Variants in CFAP157 observed in about 807,000 individuals in gnomAD.
CFAP157 encodes the protein cilia- and flagella-associated protein 157.
A neutral mutation model predicts 57.8 loss-of-function variants in CFAP157; 43 were observed. The observed-to-expected ratio is 0.74, with a 90% CI of 0.58 to 0.96. The LOEUF is 0.96. Among genes scored for constraint, CFAP157 ranks in the 40% least tolerant of loss-of-function variants. The pLI is 0.00. For synonymous variants in CFAP157, 267 were observed against 269.0 expected (o/e 0.99, Z 0.07); for missense variants, 606 against 655.3 (o/e 0.92, Z 0.82).
In CFAP157 at chr9:127,714,350, C is replaced by G. The variant is rs1842857076; in HGVS notation, c.*445C>G. 6.2e-7 allele frequency: 1 copy of G among 1,614,052 alleles called. No homozygotes were observed. Among genetic ancestry groups the G allele is most frequent in the Non-Finnish European group, 8.5e-7 (1 of 1,180,026 alleles). ...CTGGGGGACCCCTGGCCCACCCGAC[C>G]CAGTTGCACAACAAAAGGGTAGACT... On this transcript the variant is annotated 3_prime_UTR_variant, in exon 9 of 9. Coordinates refer to ENST00000373295, the MANE Select transcript of CFAP157 (RefSeq NM_001012502.3).
Position 127,715,589 on chromosome 9 carries a change from C to T in CFAP157, c.*1684C>T, listed in dbSNP as rs759021425. 6.2e-6 allele frequency: 10 copies of T among 1,613,434 alleles called. No homozygotes were observed. The highest frequency in any genetic ancestry group is 1.6e-4 in the Middle Eastern group (1 of 6,062). On this transcript the variant is annotated 3_prime_UTR_variant, in exon 9 of 9. Coordinates refer to ENST00000373295, the MANE Select transcript of CFAP157 (RefSeq NM_001012502.3). The surrounding 1 kb of genome is among the most constrained non-coding windows in gnomAD (Gnocchi z 5.8). ...GGCGAGGCTCCAAAACACATCGGCT[C>T]ATGGCTCTACTCAGCCGCTGTCCGG...
Position 127,710,604 on chromosome 9 carries a change from G to C in CFAP157, c.437G>C (p.Gly146Ala). 6.3e-7 allele frequency: 1 copy of C among 1,581,366 alleles called. No homozygotes were observed. Among genetic ancestry groups the C allele is most frequent in the Non-Finnish European group, 8.6e-7 (1 of 1,163,354 alleles). ...QLTTENIILG[G>A]KLAALEEFRL... ...CCTTGTGCGCTGTGGCGGCCAGGGG[G>C]GAAGCTGGCAGCCCTGGAGGAGTTC... is the stretch of plus-strand genomic sequence containing the variant. Residue 146 changes from glycine (G) to alanine (A), a missense_variant, in exon 3 of 9, where the codon GGG (glycine) becomes GCG (alanine). Physicochemically the swap from Gly to Ala is moderately conservative, Grantham distance 60. Coordinates refer to ENST00000373295, the MANE Select transcript of CFAP157 (RefSeq NM_001012502.3).
chr9:127,713,358 G>A (rs569702729), intron 8 of CFAP157, 152 bp downstream of exon 8: 57 of 638,728 alleles, frequency 8.9e-5, no homozygotes, highest in Middle Eastern at 4.4e-4. Context: ...GAAAGGAGTG[G>A]CCAAGCCTCA....
chr9:127,714,981 G>C lies in CFAP157; in HGVS notation c.*1076G>C, dbSNP rs1250906573. 1.6e-6 allele frequency: 1 copy of C among 621,198 alleles called. No individual in the cohort carries two copies. The highest frequency in any genetic ancestry group is 2.1e-6 in the Non-Finnish European group (1 of 475,120). 38.5% of individuals were successfully genotyped at this position (621,198 alleles called of 1,614,324 possible). A position where few individuals can be genotyped will look rare whatever the true frequency, so the allele number is the denominator to read the frequency against. ...CCTGGCGCTCTCAACTCACCAGCCC[G>C]GGCCACGCTGCGCCCGTTGGCGTTC... On this transcript the variant is annotated 3_prime_UTR_variant, in exon 9 of 9. Transcript: ENST00000373295.
rs1177589244 is a variant in CFAP157, at chr9:127,709,666, C to T, written c.406C>T (p.Gln136Ter). The T allele has an allele frequency of 6.2e-7, 1 of 1,613,674 alleles. No homozygotes were observed. The part of the protein sequence containing the change: ...VRHEFQETKD[Q>*]LTTENIILGG... ...CCACGAGTTCCAGGAGACCAAGGAC[C>T]AGCTCACCACGGAGAACATCATCCT... The change falls in exon 2 of 9, where the codon CAG becomes TAG. Residue 136 changes from glutamine (Q) to a stop codon, truncating the protein, a stop_gained. Coordinates refer to ENST00000373295, the MANE Select transcript of CFAP157 (RefSeq NM_001012502.3). LOFTEE classifies it high-confidence loss of function. This position sits in a 1 kb window ranked among gnomAD's most constrained non-coding sequence, Gnocchi z 4.7.
intron 8 of CFAP157, 34 bp from the exon 9 acceptor site, chr9:127,713,800 C>A: frequency 1.3e-6 from 2 of 1,598,064 alleles, no homozygotes; most frequent in African/African-American, 1.3e-5. Flanking sequence ...AGCCACTGCA[C>A]CCGGCCTCCA....
At chr9:127,711,196 T>C (rs1334387531) in intron 3 of CFAP157, 33 bp from the exon 4 acceptor site, 1 of 1,607,116 alleles carries the variant, frequency 6.2e-7, no homozygotes, top group Non-Finnish European at 8.5e-7. Context: ...GCCCGCTCTG[T>C]CTGACCCCTT....
chr9:127,707,240 A>G, intron 1 of CFAP157, 48 bp downstream of exon 1: 1 of 1,588,930 alleles, frequency 6.3e-7, no homozygotes, highest in East Asian at 2.2e-5. Flanking sequence ...TCAGAAGCCC[A>G]TGCCCAGGTG....
chr9:127,713,289 GT>G, intron 8 of CFAP157, 83 bp downstream of exon 8: 14 of 1,060,528 alleles, frequency 1.3e-5, no homozygotes, highest in Non-Finnish European at 1.8e-5. Context: ...CCACAGCTGT[GT>G]GGCCCTGGGG....
Position 127,712,874 on chromosome 9 carries a change from A to G in CFAP157, c.1303A>G (p.Ser435Gly). 1.2e-6 allele frequency: 2 copies of G among 1,609,236 alleles called. No individual in the cohort carries two copies. The highest frequency in any genetic ancestry group is 1.7e-6 in the Non-Finnish European group (2 of 1,177,638). Residue 435 changes from serine (S) to glycine (G), a missense_variant and splice_region_variant, in exon 7 of 9, where the codon AGC becomes GGC. By Grantham distance (56) the Ser-to-Gly change is moderately conservative. Coordinates refer to ENST00000373295, the MANE Select transcript of CFAP157 (RefSeq NM_001012502.3). ...ACAGTCCCATGGCCCACCCAAGGAGAGGTAAGCAAGTGGCCCTGTGTGGCC... is the reference window on the plus strand; with the variant it reads ...ACAGTCCCATGGCCCACCCAAGGAGGGGTAAGCAAGTGGCCCTGTGTGGCC... ...ESQSHGPPKE[S>G]RPSIQLPRTG...
At position 127,713,999 on chromosome 9, in the gene CFAP157, G is replaced by T. The variant is rs1842833070; in HGVS notation, c.*94G>T. 7 of 1,578,940 alleles carry T rather than the reference G, an allele frequency of 4.4e-6. No homozygotes were observed. In the East Asian group the frequency reaches 1.6e-4, roughly 35 times the overall value. On this transcript the variant is annotated 3_prime_UTR_variant, in exon 9 of 9. Transcript: ENST00000373295. ...AGGCAGCCTGGAACAGTCTAGAGGA[G>T]ATTTGTATAAAAAGTAGATACCAAG...
intron 8 of CFAP157, chr9:127,713,555 G>A: frequency 3.4e-6 from 1 of 291,374 alleles, no homozygotes; most frequent in South Asian, 4.6e-5. Flanking sequence ...CACCCAGACT[G>A]GAGTGCAGTG....
Position 127,714,982 on chromosome 9 carries a change from G to T in CFAP157, c.*1077G>T. The T allele has an allele frequency of 2.4e-6, 2 of 821,970 alleles. No individual in the cohort carries two copies. The highest frequency in any genetic ancestry group is 3.2e-6 in the Non-Finnish European group (2 of 628,292). 50.9% of individuals were successfully genotyped at this position (821,970 alleles called of 1,614,324 possible). ...CTGGCGCTCTCAACTCACCAGCCCG[G>T]GCCACGCTGCGCCCGTTGGCGTTCA... On this transcript the variant is annotated 3_prime_UTR_variant, in exon 9 of 9. Transcript: ENST00000373295.
chr9:127,711,731 T>C, intron 4 of CFAP157, 89 bp from the exon 5 acceptor site: 4 of 1,436,620 alleles, frequency 2.8e-6, no homozygotes, highest in Non-Finnish European at 3.8e-6. Context: ...CACTGGCCGC[T>C]CTGCATAGGG....
intron 3 of CFAP157, 102 bp from the exon 4 acceptor site, chr9:127,711,127 G>A (rs2131589311): frequency 2.8e-6 from 4 of 1,412,890 alleles, no homozygotes; most frequent in Non-Finnish European, 2.9e-6. Flanking sequence ...AGAGCATGCT[G>A]GTGTTTAACA....
chr9:127,711,926 T>G lies in CFAP157; in HGVS notation c.962T>G (p.Leu321Arg). ...CAGTTGGAGCAGAGATCCCTGCAGC[T>G]GCAGGTGGATAACCAGGCACTGAAG... ...LSQLEQRSLQ[L>R]QVDNQALKSQ... The change falls in exon 5 of 9, where the codon CTG (leucine) becomes CGG (arginine). Residue 321 changes from leucine to arginine, a missense_variant. Coordinates refer to ENST00000373295, the MANE Select transcript of CFAP157 (RefSeq NM_001012502.3). 6.2e-7 allele frequency: 1 copy of G among 1,606,148 alleles called. No homozygotes were observed. Among genetic ancestry groups the G allele is most frequent in the Non-Finnish European group, 8.5e-7 (1 of 1,177,518 alleles).
In CFAP157 at chr9:127,712,875, G is replaced by A. The variant is rs1157748763; in HGVS notation, c.1304G>A (p.Ser435Asn). The change falls in exon 7 of 9, where the codon AGC becomes AAC. Residue 435 changes from serine to asparagine, a missense_variant and splice_region_variant. Coordinates refer to ENST00000373295, the MANE Select transcript of CFAP157 (RefSeq NM_001012502.3). ...ESQSHGPPKE[S>N]RPSIQLPRTG... is the part of the protein sequence containing the mutation. Reference sequence around the variant, plus strand: ...CAGTCCCATGGCCCACCCAAGGAGAGGTAAGCAAGTGGCCCTGTGTGGCCT... The same window carrying A: ...CAGTCCCATGGCCCACCCAAGGAGAAGTAAGCAAGTGGCCCTGTGTGGCCT... 2.5e-6 allele frequency: 4 copies of A among 1,609,304 alleles called. No homozygotes were observed. The highest frequency in any genetic ancestry group is 2.2e-5 in the East Asian group (1 of 44,610).
chr9:127,710,288 A>G (rs2131587462), intron 2 of CFAP157, among the ~76,000 whole-genome samples: 1 of 151,774 alleles, frequency 6.6e-6, no homozygotes, highest in Middle Eastern at 3.4e-3. Flanking sequence ...GTCTCAAAAA[A>G]AAAAAAAAAA....
chr9:127,712,106 G>A (rs2131591375), intron 5 of CFAP157, 93 bp from the exon 6 acceptor site: 3 of 1,542,290 alleles, frequency 1.9e-6, no homozygotes, highest in East Asian at 2.3e-5. Context: ...GGGCCCCTGT[G>A]GGCTTGGAGA....
Sources: gnomAD v4.1 joint callset for allele counts (sites outside exome capture counted in the v4.1 genomes callset) on GRCh38, gnomAD v4.1.1 for gene constraint, Gnocchi (gnomAD v3.1) non-coding constraint, MANE v1.5 for transcripts, NCBI Gene and HGNC (gene_info 2026-07-23, HGNC 2026-07-21) for gene names.